Variants in ZNF638 observed in about 807,000 individuals in gnomAD.
ZNF638 encodes the protein zinc finger protein 638, also known as CTCL tumor antigen se33-1.
Under a neutral mutation model 195.6 loss-of-function variants are expected in ZNF638, and 46 were observed. That is an observed-to-expected ratio of 0.24 (90% CI 0.19 to 0.30). ZNF638 has a LOEUF of 0.30. Ranked by LOEUF, ZNF638 falls within the 10% of genes least tolerant of loss-of-function variation. The probability of loss-of-function intolerance (pLI) is 1.00; values close to 1 mark genes in which losing one functional copy is unlikely to be tolerated. For synonymous variants in ZNF638, 845 were observed against 772.0 expected (o/e 1.09, Z -1.57); for missense variants, 2,440 against 2,325.3 (o/e 1.05, Z -1.01).
At chr2:71,348,104 C>T (rs758993687) in intron 1 of ZNF638, among the ~76,000 whole-genome samples, 1 of 152,202 alleles carries the variant, frequency 6.6e-6, no homozygotes, top group African/African-American at 2.4e-5. Flanking sequence ...GGAAGGGTTA[C>T]TGGTTTTGTT....
At chr2:71,366,878 C>G (rs1300717481) in intron 6 of ZNF638, among the ~76,000 whole-genome samples, 1 of 152,100 alleles carries the variant, frequency 6.6e-6, no homozygotes, top group Non-Finnish European at 1.5e-5. Context: ...TTTATTAAAT[C>G]ACTATTAATA....
intron 8 of ZNF638, chr2:71,375,864 ATGGTAATGG>A (rs2079412451): frequency 6.6e-6 from 1 of 152,206 alleles, no homozygotes; most frequent in Non-Finnish European, 1.5e-5. Flanking sequence ...TTTTGTGATA[ATGGTAATGG>A]TTTGTGGGTA....
At position 71,363,989 on chromosome 2, in the gene ZNF638, G is replaced by T. The variant is rs2079152923; in HGVS notation, c.1454G>T (p.Arg485Leu). 6.2e-7 allele frequency: 1 copy of T among 1,613,812 alleles called. No homozygotes were observed. Among genetic ancestry groups the T allele is most frequent in the Non-Finnish European group, 8.5e-7 (1 of 1,179,928 alleles). Reference protein sequence around the residue: ...EGNRKENETPRRRSHSPSPRR... With the variant: ...EGNRKENETPLRRSHSPSPRR... ...AATAGAAAAGAAAATGAAACTCCAC[G>T]AAGACGTTCTCATTCCCCCAGTCCT... Residue 485 changes from arginine (R) to leucine (L), a missense_variant, in exon 5 of 28, where the codon CGA becomes CTA. Arg to Leu is a moderately radical substitution (Grantham distance 102, BLOSUM62 -2). Transcript: ENST00000264447.
At chr2:71,392,384 T>C (rs2079799867) in intron 10 of ZNF638, among the ~76,000 whole-genome samples, 1 of 152,176 alleles carries the variant, frequency 6.6e-6, no homozygotes, top group Non-Finnish European at 1.5e-5. Flanking sequence ...TTACTACCGC[T>C]CAGGGAGCTG....
chr2:71,398,839 A>G, intron 12 of ZNF638, 67 bp downstream of exon 12: 1 of 1,367,048 alleles, frequency 7.3e-7, no homozygotes, highest in Non-Finnish European at 1.0e-6. Flanking sequence ...TCGTATAATA[A>G]TTTTTAGCAT....
chr2:71,339,553 AG>A (rs1259963552), intron 1 of ZNF638, among the ~76,000 whole-genome samples: 1 of 152,244 alleles, frequency 6.6e-6, no homozygotes, highest in Non-Finnish European at 1.5e-5. Flanking sequence ...ACCAAATGGC[AG>A]AGAGGGCAAG....
At chr2:71,421,247 G>A (rs770155371) in intron 21 of ZNF638, among the ~76,000 whole-genome samples, 5 of 152,192 alleles carry the variant, frequency 3.3e-5, no homozygotes, top group Non-Finnish European at 7.4e-5. Context: ...TGCTGTAACT[G>A]TGAATGTCAC....
intron 1 of ZNF638, chr2:71,341,765 A>G (rs2078765816): frequency 6.6e-6 from 1 of 152,172 alleles, no homozygotes; most frequent in African/African-American, 2.4e-5. Flanking sequence ...GAACCTCTTT[A>G]TGACCAGAGC....
At chr2:71,335,940 A>T (rs2078658910) in intron 1 of ZNF638, among the ~76,000 whole-genome samples, 1 of 152,120 alleles carries the variant, frequency 6.6e-6, no homozygotes, top group Non-Finnish European at 1.5e-5. Flanking sequence ...ACGATTGATA[A>T]CTCTCAAGTC....
chr2:71,388,745 G>A (rs1406406562), intron 10 of ZNF638: 2 of 1,107,668 alleles, frequency 1.8e-6, no homozygotes, highest in Admixed American at 1.8e-5. Context: ...GTGCCCACTC[G>A]GGATATCCAA....
intron 10 of ZNF638, among the ~76,000 whole-genome samples, chr2:71,389,897 A>G (rs887729983): frequency 1.3e-5 from 2 of 152,206 alleles, no homozygotes; most frequent in Non-Finnish European, 2.9e-5. Flanking sequence ...GAGGAAAGGC[A>G]GTTACGGCCA....
At chr2:71,386,668 G>C (rs2079647508) in intron 10 of ZNF638, among the ~76,000 whole-genome samples, 1 of 151,984 alleles carries the variant, frequency 6.6e-6, no homozygotes, top group Admixed American at 6.6e-5. Context: ...TCTCTAATAT[G>C]TCATGTTTAA....
intron 11 of ZNF638, among the ~76,000 whole-genome samples, chr2:71,396,446 T>A (rs1243392059): frequency 1.3e-5 from 2 of 152,256 alleles, no homozygotes; most frequent in African/African-American, 2.4e-5. Flanking sequence ...TCTCTTTTAT[T>A]GAGGTCTCTC....
At chr2:71,431,277 A>G (rs772633437) in intron 25 of ZNF638, 50 bp from the exon 26 acceptor site, 6 of 1,494,506 alleles carry the variant, frequency 4.0e-6, no homozygotes, top group South Asian at 3.5e-5. Context: ...TTAACTTTAC[A>G]AAGTCTGTAA....
At chr2:71,396,111 A>C in intron 10 of ZNF638, 30 bp from the exon 11 acceptor site, 1 of 1,598,338 alleles carries the variant, frequency 6.3e-7, no homozygotes, top group Non-Finnish European at 8.6e-7. Flanking sequence ...TTTGTAATGT[A>C]GTACTTAAAT....
chr2:71,365,729 T>A (rs748831230), intron 6 of ZNF638, 23 bp downstream of exon 6: 1 of 1,563,328 alleles, frequency 6.4e-7, no homozygotes, highest in South Asian at 1.2e-5. Context: ...TTAATAATTA[T>A]TTTTAGAGAT....
At chr2:71,395,480 C>A (rs111582481) in intron 10 of ZNF638, 1 of 607,400 alleles carries the variant, frequency 1.6e-6, no homozygotes, top group South Asian at 2.0e-5. Flanking sequence ...AATTCTCTTA[C>A]CCTGACGCTA....
intron 1 of ZNF638, among the ~76,000 whole-genome samples, chr2:71,336,226 C>A (rs1361119538): frequency 6.6e-6 from 1 of 151,988 alleles, no homozygotes; most frequent in Non-Finnish European, 1.5e-5. Flanking sequence ...ACAAAATTAG[C>A]TGGGGTGGTG....
chr2:71,354,610 C>T (rs560456851), intron 2 of ZNF638, among the ~76,000 whole-genome samples: 3 of 152,044 alleles, frequency 2.0e-5, no homozygotes, highest in East Asian at 3.9e-4. Flanking sequence ...GTGGCACATG[C>T]CTGTTAATTC....
Sources: allele counts gnomAD v4.1 joint callset (sites outside exome capture counted in the v4.1 genomes callset), GRCh38; gene constraint gnomAD v4.1.1; transcripts MANE v1.5; gene names NCBI Gene and HGNC (gene_info 2026-07-23, HGNC 2026-07-21).